The following NWD2 variants were observed in gnomAD, a reference collection of about 807,000 sequenced individuals.
The protein encoded by NWD2 is NACHT and WD repeat domain containing 2.
In NWD2, 37 loss-of-function variants were observed where a neutral mutation model predicts 132.7. The observed-to-expected ratio is 0.28, with a 90% CI of 0.21 to 0.37. NWD2 has a LOEUF of 0.37. NWD2 is among the 10% of genes least tolerant of loss of function. The probability of loss-of-function intolerance (pLI) is 1.00; values close to 1 mark genes in which losing one functional copy is unlikely to be tolerated. For synonymous variants in NWD2, 705 were observed against 803.0 expected (o/e 0.88, Z 2.06); for missense variants, 1,592 against 2,122.4 (o/e 0.75, Z 4.91).
intron 4 of NWD2, 49 bp downstream of exon 4, chr4:37,430,824 G>A (rs748462271): frequency 6.8e-7 from 1 of 1,477,038 alleles, no homozygotes; most frequent in African/African-American, 1.4e-5. Flanking sequence ...TACTACATTT[G>A]TTACCATTTA....
chr4:37,322,222 T>A (rs1458147408), intron 1 of NWD2, among the ~76,000 whole-genome samples: 1 of 152,114 alleles, frequency 6.6e-6, no homozygotes, highest in Non-Finnish European at 1.5e-5. Context: ...TCAACTCCCT[T>A]TGAGCTTAAA....
At chr4:37,409,339 C>T (rs184252025) in intron 3 of NWD2, among the ~76,000 whole-genome samples, 102 of 151,864 alleles carry the variant, frequency 6.7e-4, no homozygotes, top group Admixed American at 4.3e-3. Flanking sequence ...CTGAAAAACA[C>T]AGCACAAGAA....
intron 1 of NWD2, among the ~76,000 whole-genome samples, chr4:37,278,875 G>T (rs2109267203): frequency 6.6e-6 from 1 of 152,234 alleles, no homozygotes; most frequent in East Asian, 1.9e-4. Flanking sequence ...AAAGAGAAGG[G>T]TACACAGTTT....
At chr4:37,355,194 T>C (rs1719848346) in intron 2 of NWD2, among the ~76,000 whole-genome samples, 1 of 152,248 alleles carries the variant, frequency 6.6e-6, no homozygotes, top group African/African-American at 2.4e-5. Context: ...GTTACCTTCT[T>C]TGATGTCATC....
At chr4:37,357,077 C>T (rs1719884971) in intron 3 of NWD2, among the ~76,000 whole-genome samples, 1 of 152,172 alleles carries the variant, frequency 6.6e-6, no homozygotes, top group African/African-American at 2.4e-5. Flanking sequence ...ACTCACTCCT[C>T]TGTGTTAGCA....
At chr4:37,273,396 G>T (rs552830937) in intron 1 of NWD2, among the ~76,000 whole-genome samples, 1 of 151,856 alleles carries the variant, frequency 6.6e-6, no homozygotes, top group East Asian at 1.9e-4. Context: ...CTAAATATAT[G>T]TGCACCCAAT....
In NWD2 at chr4:37,446,148, G is replaced by A; in HGVS notation, c.4160G>A (p.Ser1387Asn). The A allele has an allele frequency of 6.4e-7, 1 of 1,551,726 alleles. No homozygotes were observed. Residue 1387 changes from serine (S) to asparagine (N), a missense_variant, in exon 7 of 7, where the codon AGC (serine) becomes AAC (asparagine). By Grantham distance (46) the Ser-to-Asn change is conservative. This residue lies in a region of NWD2 where 1,071 missense variants were observed against 1,398.0 expected (regional missense o/e 0.77). Transcript: ENST00000309447. This position sits in a 1 kb window ranked among gnomAD's most constrained non-coding sequence, Gnocchi z 6.7. ...AGCAGCCAGTATGTCTGGCACACCAGCAGTGGTGAAAACCTTTTTCGAATT... is the reference window on the plus strand; with the variant it reads ...AGCAGCCAGTATGTCTGGCACACCAACAGTGGTGAAAACCTTTTTCGAATT... ...DKSSQYVWHTSSGENLFRING... is the reference protein window; with the variant it reads ...DKSSQYVWHTNSGENLFRING...
intron 4 of NWD2, among the ~76,000 whole-genome samples, chr4:37,432,290 C>T (rs930815468): frequency 6.6e-6 from 1 of 151,116 alleles, no homozygotes; most frequent in Non-Finnish European, 1.5e-5. Flanking sequence ...GTTAGGTTTA[C>T]CCCAATATTC....
chr4:37,259,025 T>G (rs1298605670), intron 1 of NWD2, among the ~76,000 whole-genome samples: 1 of 152,236 alleles, frequency 6.6e-6, no homozygotes, highest in Middle Eastern at 3.4e-3. Flanking sequence ...GTGTGTAAAT[T>G]TTCTCTCTGC....
intron 2 of NWD2, among the ~76,000 whole-genome samples, chr4:37,348,675 T>TATATATATATATACACACAC (rs1308407988): frequency 8.9e-5 from 2 of 22,572 alleles, no homozygotes; most frequent in African/African-American, 3.6e-4. Flanking sequence ...TATATATATA[T>TATATATATATATACACACAC]ACACACACAC....
intron 1 of NWD2, among the ~76,000 whole-genome samples, chr4:37,272,521 A>C (rs56217184): frequency 0.16 from 24,512 of 151,616 alleles, 2,546 homozygotes; most frequent in South Asian, 0.32. Flanking sequence ...ATTTTTAGGG[A>C]AATTGTCTAT....
intron 3 of NWD2, among the ~76,000 whole-genome samples, chr4:37,394,982 T>A (rs1054139153): frequency 6.7e-6 from 1 of 150,158 alleles, no homozygotes; most frequent in African/African-American, 2.5e-5. Context: ...CCAGCTAATT[T>A]TTTTTTTTCT....
intron 1 of NWD2, among the ~76,000 whole-genome samples, chr4:37,315,784 G>T (rs1294202067): frequency 6.6e-6 from 1 of 151,694 alleles, no homozygotes; most frequent in Non-Finnish European, 1.5e-5. Context: ...TCTCTTCTTT[G>T]CTAAATAGAT....
At chr4:37,405,234 G>A (rs1035006445) in intron 3 of NWD2, among the ~76,000 whole-genome samples, 1 of 152,110 alleles carries the variant, frequency 6.6e-6, no homozygotes, top group Non-Finnish European at 1.5e-5. Flanking sequence ...GAGATCAGGG[G>A]CACTTGCCTG....
chr4:37,430,397 G>C (rs1287758606), intron 3 of NWD2, among the ~76,000 whole-genome samples, 175 bp from the exon 4 acceptor site: 1 of 152,168 alleles, frequency 6.6e-6, no homozygotes, highest in Non-Finnish European at 1.5e-5. Context: ...TTGTAATATA[G>C]TTGATCTAAT....
In NWD2 at chr4:37,446,488, C is replaced by T. The variant is rs556319830; in HGVS notation, c.4500C>T (p.Ala1500=). 4.5e-6 allele frequency: 7 copies of T among 1,551,552 alleles called. No individual in the cohort carries two copies. The highest frequency in any genetic ancestry group is 2.4e-5 in the South Asian group (2 of 84,046). ...CPDIIVFITS[A]ETVNIWSLTD... ...ATATCATCGTGTTTATCACATCGGC[C>T]GAGACTGTGAACATCTGGAGTCTGA... Residue 1500 remains alanine (A), a synonymous_variant, in exon 7 of 7, where the codon GCC becomes GCT. Transcript: ENST00000309447. The surrounding 1 kb of genome is among the most constrained non-coding windows in gnomAD (Gnocchi z 6.7).
At chr4:37,317,768 T>C (rs935381175) in intron 1 of NWD2, among the ~76,000 whole-genome samples, 2 of 152,322 alleles carry the variant, frequency 1.3e-5, no homozygotes, top group Admixed American at 6.5e-5. Flanking sequence ...CACTTGACAA[T>C]GCCATACTCC....
chr4:37,404,368 A>C lies in NWD2; in HGVS notation c.358-26204A>C, dbSNP rs1577692334. Among the ~76,000 whole-genome samples, 7 of 152,292 alleles carry C rather than the reference A, an allele frequency of 4.6e-5. No homozygotes were observed. The South Asian group carries it at 1.0e-3, about 23-fold the overall frequency. On this transcript the variant is annotated intron_variant, in intron 3 of 6. Coordinates refer to ENST00000309447, the MANE Select transcript of NWD2 (RefSeq NM_001144990.2). Reference sequence around the variant, plus strand: ...TGTTAATAACTATGAGCATTTGCCTAGCTGTATACCCCATCTAGAAGGTCC... The same window carrying C: ...TGTTAATAACTATGAGCATTTGCCTCGCTGTATACCCCATCTAGAAGGTCC...
rs1308407988 is a variant in NWD2, at chr4:37,348,675, T to TATATACACAC, written c.241-7690_241-7689insTATACACACA. Among the ~76,000 whole-genome samples, 66 of 22,552 alleles carry TATATACACAC rather than the reference T, an allele frequency of 2.9e-3. 1 individual carries two copies. The highest frequency in any genetic ancestry group is 4.4e-3 in the Non-Finnish European group (57 of 13,076). 14.8% of individuals were successfully genotyped at this position (22,552 alleles called of 152,430 possible). A position where few individuals can be genotyped will look rare whatever the true frequency, so the allele number is the denominator to read the frequency against. The stretch of plus-strand genomic sequence containing the variant: ...ATATATATATATATATATATATATA[T>TATATACACAC]ACACACACACACACACACACACACA... On this transcript the variant is annotated intron_variant, in intron 2 of 6. Coordinates refer to ENST00000309447, the MANE Select transcript of NWD2 (RefSeq NM_001144990.2).
Sources: allele counts gnomAD v4.1 joint callset (sites outside exome capture counted in the v4.1 genomes callset), GRCh38; gene constraint gnomAD v4.1.1; regional missense constraint gnomAD v4.1.1; non-coding constraint Gnocchi (gnomAD v3.1); transcripts MANE v1.5; gene names NCBI Gene and HGNC (gene_info 2026-07-23, HGNC 2026-07-21).